TRPM5: variants seen among roughly 807,000 people sequenced by gnomAD.
TRPM5 encodes the protein transient receptor potential cation channel subfamily M member 5, also known as MLSN1 and TRP-related.
A neutral mutation model predicts 124.9 loss-of-function variants in TRPM5; 121 were observed. The observed-to-expected ratio is 0.97, with a 90% CI of 0.84 to 1.13. The LOEUF is 1.13. Ranked by LOEUF, TRPM5 falls within the 50% of genes most tolerant of loss-of-function variation. The pLI is 0.00. For synonymous variants in TRPM5, 781 were observed against 700.5 expected (o/e 1.11, Z -1.81); for missense variants, 1,643 against 1,589.1 (o/e 1.03, Z -0.58).
chr11:2,442,579 G>T, the TRPM5 span, among the ~76,000 whole-genome samples: 1 of 152,134 alleles, frequency 6.6e-6, no homozygotes, highest in African/African-American at 2.4e-5. The surrounding 1 kb of genome is among the most constrained non-coding windows in gnomAD (Gnocchi z 5.9). Context: ...CTATCATTAT[G>T]TATATGTACT....
At chr11:2,444,306 C>A in the TRPM5 span, among the ~76,000 whole-genome samples, 2 of 152,018 alleles carry the variant, frequency 1.3e-5, no homozygotes, top group African/African-American at 4.8e-5. Flanking sequence ...CCAGGACATC[C>A]CTTTCCTCCC....
chr11:2,415,854 C>A (rs1419800636), intron 8 of TRPM5, 52 bp downstream of exon 13: 7 of 1,335,034 alleles, frequency 5.2e-6, no homozygotes, highest in Non-Finnish European at 7.3e-6. Context: ...GCAGCGTGGG[C>A]AGCTCGGGCA....
intron 21 of TRPM5, 94 bp from the exon 27 acceptor site, chr11:2,406,185 G>A (rs545871495): frequency 2.6e-5 from 36 of 1,401,902 alleles, no homozygotes; most frequent in Admixed American, 1.5e-4. Context: ...CTGTGTGCCC[G>A]AGTTTGGGGT....
chr11:2,428,520 G>A, the TRPM5 span, among the ~76,000 whole-genome samples: 2 of 151,768 alleles, frequency 1.3e-5, no homozygotes, highest in Non-Finnish European at 2.9e-5. This position sits in a 1 kb window ranked among gnomAD's most constrained non-coding sequence, Gnocchi z 4.0. Context: ...TGGTGGTGGT[G>A]ACAATGATCA....
chr11:2,414,688 G>T (rs1850528239), intron 11 of TRPM5, 27 bp downstream of exon 16: 1 of 1,521,470 alleles, frequency 6.6e-7, no homozygotes, highest in South Asian at 1.2e-5. Context: ...CCGCGCGCGG[G>T]CCCGGCCCCA....
At chr11:2,414,958 C>G (rs777523823) in exon 10 of TRPM5, 2 of 1,607,796 alleles carry the variant, frequency 1.2e-6, no homozygotes, top group East Asian at 2.2e-5. Flanking sequence ...GCACGGCCCA[C>G]AGGAACAGGT....
intron 15 of TRPM5, 95 bp downstream of exon 20, chr11:2,412,659 T>C (rs552177923): frequency 1.3e-4 from 170 of 1,329,442 alleles, no homozygotes; most frequent in African/African-American, 7.6e-4. Context: ...TGTTTTACAG[T>C]TGGGGAGCCC....
At chr11:2,430,270 G>A in the TRPM5 span, among the ~76,000 whole-genome samples, 1 of 146,894 alleles carries the variant, frequency 6.8e-6, no homozygotes, top group Non-Finnish European at 1.5e-5. Context: ...TGGAGTGGGT[G>A]CTGGCTTGCA....
Position 2,405,548 on chromosome 11 carries a change from C to T in TRPM5, c.3370G>A (p.Ala1124Thr), listed in dbSNP as rs756022087. Residue 1124 changes from alanine (A) to threonine (T), a missense_variant, in exon 23 of 24, where the codon GCC (alanine) becomes ACC (threonine). Transcript: ENST00000155858. ...TTACTCCGGGGGCCGCCACCCTGGG[C>T]CAGCACGTCAGCCACGGAGGACACG... 27 of 1,564,812 alleles carry T rather than the reference C, an allele frequency of 1.7e-5. No individual in the cohort carries two copies. In the African/African-American group the frequency reaches 3.4e-4, roughly 20 times the overall value.
chr11:2,430,517 AATG>A, the TRPM5 span, among the ~76,000 whole-genome samples: 11 of 147,552 alleles, frequency 7.5e-5, no homozygotes, highest in African/African-American at 2.0e-4. Context: ...TGGTGGTAGT[AATG>A]ATGATGATAG....
chr11:2,430,391 C>T, the TRPM5 span, among the ~76,000 whole-genome samples: 1 of 152,196 alleles, frequency 6.6e-6, no homozygotes, highest in Admixed American at 6.5e-5. Flanking sequence ...TGAGTCAACT[C>T]AACCTCTTTC....
At chr11:2,435,456 G>A in the TRPM5 span, among the ~76,000 whole-genome samples, 1 of 149,882 alleles carries the variant, frequency 6.7e-6, no homozygotes, top group African/African-American at 2.5e-5. The surrounding 1 kb of genome is among the most constrained non-coding windows in gnomAD (Gnocchi z 4.1). Context: ...CCACCAGCCT[G>A]CCCACCTGTC....
chr11:2,407,218 G>A (rs146751651), exon 20 of TRPM5: 189 of 1,611,304 alleles, frequency 1.2e-4, no homozygotes, highest in Non-Finnish European at 1.5e-4. Context: ...AGGGCGGGGC[G>A]CTCGTGGTAC....
chr11:2,413,696 G>A (rs1407315169), intron 12 of TRPM5, 108 bp from the exon 18 acceptor site: 2 of 1,061,356 alleles, frequency 1.9e-6, no homozygotes, highest in African/African-American at 3.2e-5. Flanking sequence ...GAGCTGAAGG[G>A]GTGCCCAGCC....
intron 10 of TRPM5, 25 bp from the exon 16 acceptor site, chr11:2,414,863 C>T (rs757774988): frequency 2.6e-5 from 42 of 1,589,732 alleles, no homozygotes; most frequent in Non-Finnish European, 3.2e-5. Flanking sequence ...CTCAGGAGGC[C>T]GCCCCTCCCC....
intron 18 of TRPM5, among the ~76,000 whole-genome samples, chr11:2,409,722 A>G (rs1421490166): frequency 2.0e-5 from 3 of 151,872 alleles, no homozygotes; most frequent in Non-Finnish European, 2.9e-5. Flanking sequence ...AGCTGAACGG[A>G]GCCCAAGGAA....
At chr11:2,414,986 C>T in exon 10 of TRPM5, 1 of 1,606,944 alleles carries the variant, frequency 6.2e-7, no homozygotes, top group Non-Finnish European at 8.5e-7. Context: ...GGGGTTCTCG[C>T]TCTTCTGGTT....
the TRPM5 span, among the ~76,000 whole-genome samples, chr11:2,439,361 A>C: frequency 1.3e-5 from 2 of 152,264 alleles, no homozygotes; most frequent in Admixed American, 1.3e-4. Flanking sequence ...TCTGCACAGC[A>C]AAAGAAACTA....
chr11:2,405,554 C>T (rs200499739), exon 23 of TRPM5: 31 of 1,565,490 alleles, frequency 2.0e-5, no homozygotes, highest in Non-Finnish European at 2.1e-5. Flanking sequence ...TGGGCCAGCA[C>T]GTCAGCCACG....
Sources: gnomAD v4.1 joint callset for allele counts (sites outside exome capture counted in the v4.1 genomes callset) on GRCh38, gnomAD v4.1.1 for gene constraint, Gnocchi (gnomAD v3.1) non-coding constraint, MANE v1.5 for transcripts, NCBI Gene and HGNC (gene_info 2026-07-23, HGNC 2026-07-21) for gene names.